Variants in ACVRL1 observed in about 807,000 individuals in gnomAD.
The protein encoded by ACVRL1 is activin A receptor like type 1.
In ACVRL1, 20 loss-of-function variants were observed where a neutral mutation model predicts 51.9. The observed-to-expected ratio is 0.39, with a 90% CI of 0.27 to 0.56. The LOEUF is 0.56. Among genes scored for constraint, ACVRL1 ranks in the 20% least tolerant of loss-of-function variants. The pLI is 0.67. For synonymous variants in ACVRL1, 288 were observed against 280.9 expected (o/e 1.03, Z -0.25); for missense variants, 451 against 670.3 (o/e 0.67, Z 3.61).
intron 2 of ACVRL1, among the ~76,000 whole-genome samples, chr12:51,912,771 G>T (rs1482145676): frequency 1.3e-4 from 20 of 152,142 alleles, no homozygotes; most frequent in Non-Finnish European, 1.5e-5. Flanking sequence ...TAGGGTGGAA[G>T]CCTATATGTG....
At position 51,916,286 on chromosome 12, in the gene ACVRL1, A is replaced by G. The variant is rs1033518013; in HGVS notation, c.1246+53A>G. The G allele has an allele frequency of 4.4e-6, 7 of 1,581,658 alleles. No individual in the cohort carries two copies. The African/African-American group carries it at 9.4e-5, about 21-fold the overall frequency. ...GAAAGGGGAATCAGCCTGTGGAGCC[A>G]GGGGCTTCCAGCCATGGCCAGTGCC... On this transcript the variant is annotated intron_variant, in intron 8 of 9. Transcript: ENST00000388922.
intron 1 of ACVRL1, chr12:51,912,208 G>A (rs1386266114): frequency 9.8e-6 from 6 of 610,468 alleles, no homozygotes; most frequent in African/African-American, 9.2e-5. Flanking sequence ...CAGGAGTGCA[G>A]AGCTAGGGTT....
In ACVRL1 at chr12:51,923,273, CT is replaced by C. The variant is rs1941023989; in HGVS notation, c.*2382del. On this transcript the variant is annotated 3_prime_UTR_variant, in exon 10 of 10. Transcript: ENST00000388922. ...AAGGTGTTCCAGGGTCGAAATTACA[CT>C]TCTCGTACCTGGAGACGCTGTTTGT... is the stretch of plus-strand genomic sequence containing the variant. 6.6e-6 allele frequency: 1 copy of C among 152,296 alleles called. No individual in the cohort carries two copies. Among genetic ancestry groups the C allele is most frequent in the African/African-American group, 2.4e-5 (1 of 41,444 alleles). The allele number at this position is 152,296 out of a possible 1,614,324, so 9.4% of individuals were successfully genotyped here. A position where few individuals can be genotyped will look rare whatever the true frequency, so the allele number is the denominator to read the frequency against.
At chr12:51,915,151 A>G (rs978847685) in intron 6 of ACVRL1, 74 bp from the exon 7 acceptor site, 1 of 1,513,996 alleles carries the variant, frequency 6.6e-7, no homozygotes, top group Non-Finnish European at 9.1e-7. Flanking sequence ...CCCCAACCCC[A>G]CCCTGACCCT....
chr12:51,914,128 G>T, intron 5 of ACVRL1, 55 bp downstream of exon 5: 1 of 1,573,386 alleles, frequency 6.4e-7, no homozygotes, highest in Non-Finnish European at 8.7e-7. Flanking sequence ...TGAGCCTGGA[G>T]GGGTGAGGGA....
At chr12:51,913,501 C>G in intron 3 of ACVRL1, 58 bp from the exon 4 acceptor site, 1 of 1,550,164 alleles carries the variant, frequency 6.5e-7, no homozygotes, top group Non-Finnish European at 8.7e-7. Flanking sequence ...AGTGGTCTGG[C>G]CCGAGGTGGG....
At chr12:51,909,877 G>T (rs530249593) in intron 1 of ACVRL1, among the ~76,000 whole-genome samples, 1 of 152,188 alleles carries the variant, frequency 6.6e-6, no homozygotes, top group African/African-American at 2.4e-5. Flanking sequence ...TTTAGCTAAC[G>T]TTTGAAATTA....
At chr12:51,920,441 G>A (rs1307823975) in intron 9 of ACVRL1, among the ~76,000 whole-genome samples, 2 of 152,152 alleles carry the variant, frequency 1.3e-5, no homozygotes, top group African/African-American at 4.8e-5. Context: ...GAAGATCTGA[G>A]TTCTCTCTTT....
At chr12:51,919,322 C>A (rs1004512794) in intron 9 of ACVRL1, 1 of 684,930 alleles carries the variant, frequency 1.5e-6, no homozygotes, top group Non-Finnish European at 2.5e-6. Context: ...ATTTTAAGAA[C>A]CTTCACCTTC....
Position 51,920,993 on chromosome 12 carries a change from T to TG in ACVRL1, c.*101dup. The TG allele has an allele frequency of 7.2e-7, 1 of 1,392,914 alleles. No homozygotes were observed. The highest frequency in any genetic ancestry group is 9.8e-7 in the Non-Finnish European group (1 of 1,016,634). 86.3% of individuals were successfully genotyped at this position (1,392,914 alleles called of 1,614,324 possible). A position where few individuals can be genotyped will look rare whatever the true frequency, so the allele number is the denominator to read the frequency against. ...GTAGAGGTAGTGTGAGTGTGGTGTGTGCTGGGGATGGGCAGCTGCGCCTGC... is the reference window on the plus strand; with the variant it reads ...GTAGAGGTAGTGTGAGTGTGGTGTGTGGCTGGGGATGGGCAGCTGCGCCTGC... On this transcript the variant is annotated 3_prime_UTR_variant, in exon 10 of 10. Coordinates refer to ENST00000388922, the MANE Select transcript of ACVRL1 (RefSeq NM_000020.3).
At chr12:51,919,498 T>C (rs1237287438) in intron 9 of ACVRL1, among the ~76,000 whole-genome samples, 1 of 151,986 alleles carries the variant, frequency 6.6e-6, no homozygotes, top group African/African-American at 2.4e-5. Flanking sequence ...TCGGCTCAAC[T>C]GATCCTACTG....
chr12:51,916,296 A>C (rs1592225188), intron 8 of ACVRL1, 63 bp downstream of exon 8: 1 of 1,557,352 alleles, frequency 6.4e-7, no homozygotes, highest in Admixed American at 1.8e-5. Context: ...AGGGGCTTCC[A>C]GCCATGGCCA....
chr12:51,913,758 C>T lies in ACVRL1; in HGVS notation c.513C>T (p.Asp171=). ...SLILKASEQG[D]SMLGDLLDSD... is the part of the protein sequence containing the mutation. ...TCCTGAAAGCATCTGAGCAGGGCGA[C>T]AGCATGTTGGGGGTATGGGCCTGGG... Residue 171 remains aspartate (D), a synonymous_variant, in exon 4 of 10, where the codon GAC becomes GAT. Coordinates refer to ENST00000388922, the MANE Select transcript of ACVRL1 (RefSeq NM_000020.3). 6.2e-7 allele frequency: 1 copy of T among 1,611,734 alleles called. No homozygotes were observed. Among genetic ancestry groups the T allele is most frequent in the Non-Finnish European group, 8.5e-7 (1 of 1,179,988 alleles).
intron 1 of ACVRL1, among the ~76,000 whole-genome samples, chr12:51,911,551 G>A: frequency 6.6e-6 from 1 of 152,200 alleles, no homozygotes; most frequent in East Asian, 1.9e-4. Flanking sequence ...CCCCGTCCGA[G>A]CTTTGCATGG....
Position 51,913,220 on chromosome 12 carries a change from G to T in ACVRL1, c.183G>T (p.Arg61Ser), listed in dbSNP as rs1488803418. ...CTVVLVREEG[R>S]HPQEHRGCGN... ...TAGTGCTGGTGCGGGAGGAGGGGAG[G>T]CACCCCCAGGAACATCGGGGCTGCG... The change falls in exon 3 of 10, where the codon AGG becomes AGT. Residue 61 changes from arginine (R) to serine (S), a missense_variant. Arg to Ser is a moderately radical substitution (Grantham distance 110). Coordinates refer to ENST00000388922, the MANE Select transcript of ACVRL1 (RefSeq NM_000020.3). 2.5e-6 allele frequency: 4 copies of T among 1,589,624 alleles called. No individual in the cohort carries two copies. Among genetic ancestry groups the T allele is most frequent in the East Asian group, 2.3e-5 (1 of 43,998 alleles).
intron 6 of ACVRL1, 34 bp from the exon 7 acceptor site, chr12:51,915,191 C>A (rs1347668644): frequency 6.2e-7 from 1 of 1,613,790 alleles, no homozygotes; most frequent in South Asian, 1.1e-5. Context: ...AGCCCCAGCC[C>A]CTTGGCTGAG....
In ACVRL1 at chr12:51,915,238, A is replaced by G. The variant is rs200320649; in HGVS notation, c.786A>G (p.Ser262=). 2.2e-5 allele frequency: 35 copies of G among 1,614,044 alleles called. No individual in the cohort carries two copies. The Admixed American group carries it at 5.2e-4, about 24-fold the overall frequency. ...TTCTGCACACAGGCTTCATCGCCTCAGACATGACCTCCCGCAACTCGAGCA... is the reference window on the plus strand; with the variant it reads ...TTCTGCACACAGGCTTCATCGCCTCGGACATGACCTCCCGCAACTCGAGCA... The part of the protein sequence containing the change: ...RHDNILGFIA[S]DMTSRNSSTQ... Residue 262 remains serine (S), a synonymous_variant, in exon 7 of 10, where the codon TCA becomes TCG. Coordinates refer to ENST00000388922, the MANE Select transcript of ACVRL1 (RefSeq NM_000020.3).
In ACVRL1 at chr12:51,917,048, G is replaced by A. The variant is rs1405276436; in HGVS notation, c.1246+815G>A. On this transcript the variant is annotated intron_variant, in intron 8 of 9. Transcript: ENST00000388922. This position sits in a 1 kb window ranked among gnomAD's most constrained non-coding sequence, Gnocchi z 4.2. Reference sequence around the variant, plus strand: ...GCTTCCAGTTGTTGAGATAATCTAAGTATTTAGAACAGTATCTAGAGCTAA... The same window carrying A: ...GCTTCCAGTTGTTGAGATAATCTAAATATTTAGAACAGTATCTAGAGCTAA... Among the ~76,000 whole-genome samples, 1 of 152,208 alleles carries A rather than the reference G, an allele frequency of 6.6e-6. No homozygotes were observed. The highest frequency in any genetic ancestry group is 1.5e-5 in the Non-Finnish European group (1 of 68,034).
intron 8 of ACVRL1, 107 bp from the exon 9 acceptor site, chr12:51,918,878 C>T (rs1940903504): frequency 1.9e-6 from 3 of 1,538,470 alleles, no homozygotes; most frequent in Admixed American, 1.7e-5. Flanking sequence ...CGTGTCCAGG[C>T]CACTGGTTTC....
Sources: gnomAD v4.1 joint callset for allele counts (sites outside exome capture counted in the v4.1 genomes callset) on GRCh38, gnomAD v4.1.1 for gene constraint, Gnocchi (gnomAD v3.1) non-coding constraint, MANE v1.5 for transcripts, NCBI Gene and HGNC (gene_info 2026-07-23, HGNC 2026-07-21) for gene names.